SCAF4: variants seen among roughly 807,000 people sequenced by gnomAD.
SCAF4 encodes SR-related CTD associated factor 4, also known as SR-related and CTD-associated factor 4.
SCAF4 carries 25 observed loss-of-function variants against 129.8 expected under a neutral mutation model. The ratio of observed to expected loss-of-function variants is 0.19; its 90% CI spans 0.14 to 0.27. SCAF4 has a LOEUF of 0.27. Ranked by LOEUF, SCAF4 falls within the 10% of genes least tolerant of loss-of-function variation. The pLI is 1.00. For synonymous variants in SCAF4, 551 were observed against 497.7 expected, an observed-to-expected ratio of 1.11 and a Z score of -1.43; for missense variants, 1,246 against 1,457.1, an observed-to-expected ratio of 0.86 and a Z score of 2.36.
rs2050518974 is a variant in SCAF4 at position 31,701,057 on chromosome 21, T to C, written c.715A>G (p.Thr239Ala). The stretch of plus-strand genomic sequence containing the variant: ...GCAGCTTTTTGTTCAGATGGTTGTG[T>C]AGGAGTTGTCTTTAACTGAGCTGTG... ...AITAQLKTTP[T>A]QPSEQKAAFP... Residue 239 changes from threonine to alanine, a missense_variant, in exon 7 of 20, where the codon ACA becomes GCA. Coordinates refer to ENST00000286835, the MANE Select transcript of SCAF4 (RefSeq NM_020706.2). 2.5e-6 allele frequency: 4 copies of C among 1,613,984 alleles called. No homozygotes were observed. The South Asian group carries it at 3.3e-5, about 13-fold the overall frequency.
intron 1 of SCAF4, among the ~76,000 whole-genome samples, chr21:31,717,473 T>C (rs1471441325): frequency 2.0e-5 from 3 of 152,188 alleles, no homozygotes; most frequent in African/African-American, 7.2e-5. Context: ...ATGAAAACAA[T>C]TAAATTCATG....
chr21:31,683,905 C>T (rs1306087499), intron 19 of SCAF4: 1 of 153,178 alleles, frequency 6.5e-6, no homozygotes, highest in African/African-American at 2.4e-5. Context: ...TCCTCTTTTA[C>T]CATTACCCAA....
chr21:31,680,918 T>G (rs1289006516), intron 19 of SCAF4, among the ~76,000 whole-genome samples: 3 of 152,186 alleles, frequency 2.0e-5, no homozygotes, highest in African/African-American at 7.2e-5. Flanking sequence ...ATCATAACGA[T>G]AGCATAAAAA....
chr21:31,719,573 C>T (rs899669825), intron 1 of SCAF4, among the ~76,000 whole-genome samples: 4 of 152,042 alleles, frequency 2.6e-5, no homozygotes, highest in African/African-American at 9.7e-5. Context: ...GGTGTGATCT[C>T]AGCGCACCAC....
chr21:31,711,841 G>T (rs985798331), intron 1 of SCAF4, among the ~76,000 whole-genome samples: 1 of 152,130 alleles, frequency 6.6e-6, no homozygotes, highest in Non-Finnish European at 1.5e-5. Flanking sequence ...AAGTGGCACA[G>T]AGGTATAAAG....
Position 31,676,211 on chromosome 21 carries a change from C to G in SCAF4, c.2489-3857G>C, listed in dbSNP as rs541940388. 1.6e-4 allele frequency among the ~76,000 whole-genome samples: 24 copies of G among 152,258 alleles called. No individual in the cohort carries two copies. In the South Asian group the frequency reaches 2.1e-3, roughly 13 times the overall value. ...GTCAACAACCCTATCTTCCATTCTACCAGAGCCACCATCTCTAGGAGCTCT... is the reference window on the plus strand; with the variant it reads ...GTCAACAACCCTATCTTCCATTCTAGCAGAGCCACCATCTCTAGGAGCTCT... On this transcript the variant is annotated intron_variant, in intron 19 of 19. Transcript: ENST00000286835.
chr21:31,718,212 C>T (rs2050985996), intron 1 of SCAF4, among the ~76,000 whole-genome samples: 1 of 152,164 alleles, frequency 6.6e-6, no homozygotes, highest in South Asian at 2.1e-4. Context: ...TCCCAAAGTG[C>T]TGGGATTACA....
Position 31,694,279 on chromosome 21 carries a change from A to T in SCAF4, c.1247T>A (p.Val416Glu). 1 of 1,599,566 alleles carries T rather than the reference A, an allele frequency of 6.3e-7. No homozygotes were observed. ...AACCTCTTGAATACAAGGTTGTTCT[A>T]CTTCCATTTCCTTAAAAAACAAAAA... ...TQKPHQQEME[V>E]EQPCIQEVKR... The change falls in exon 11 of 20, where the codon GTA (valine) becomes GAA (glutamate). Residue 416 changes from valine to glutamate, a missense_variant. By Grantham distance (121) the Val-to-Glu change is moderately radical (BLOSUM62 -2). Transcript: ENST00000286835.
chr21:31,723,629 T>TGTGTGTGTGTGC (rs1271033175), intron 1 of SCAF4, among the ~76,000 whole-genome samples: 183 of 149,066 alleles, frequency 1.2e-3, no homozygotes, highest in African/African-American at 4.2e-3. Flanking sequence ...TGTGTGTGTG[T>TGTGTGTGTGTGC]GCGCGCGCGC....
intron 4 of SCAF4, 22 bp from the exon 5 acceptor site, chr21:31,702,401 A>AAT (rs1197594783): frequency 6.2e-7 from 1 of 1,604,938 alleles, no homozygotes; most frequent in South Asian, 1.1e-5. Context: ...GAGAAACACA[A>AAT]ATATACAATA....
At chr21:31,688,114 CAAAAAAAAAAAAAA>C (rs61592268) in intron 16 of SCAF4, among the ~76,000 whole-genome samples, 179 bp downstream of exon 16, 290 of 10,914 alleles carry the variant, frequency 0.027, 9 homozygotes, top group African/African-American at 0.079. Context: ...GACTCTGTCT[CAAAAAAAAAAAAAA>C]AAAAAAAAAA....
chr21:31,703,833 CA>C lies in SCAF4; in HGVS notation c.252del (p.Phe84LeufsTer9). 3 of 1,598,764 alleles carry C rather than the reference CA, an allele frequency of 1.9e-6. No homozygotes were observed. Among genetic ancestry groups the C allele is most frequent in the South Asian group, 1.1e-5 (1 of 89,632 alleles). On this transcript the variant is annotated frameshift_variant, in exon 4 of 20. Coordinates refer to ENST00000286835, the MANE Select transcript of SCAF4 (RefSeq NM_020706.2). LOFTEE classifies it high-confidence loss of function. ...GTTATGTTTTTAGAGAATCTTGGCCCAAAAACATCTTTATCAGTTCCAAACT... is the reference window on the plus strand; with the variant it reads ...GTTATGTTTTTAGAGAATCTTGGCCCAAAACATCTTTATCAGTTCCAAACT... Reference protein sequence around the residue: ...RHQFGTDKDVFGPRFSKNITA... With the variant: ...RHQFGTDKDVXGPRFSKNITA...
At chr21:31,672,745 T>TA (rs1359750688) in intron 19 of SCAF4, among the ~76,000 whole-genome samples, 2 of 152,202 alleles carry the variant, frequency 1.3e-5, no homozygotes, top group African/African-American at 4.8e-5. Flanking sequence ...TCAAGCTAAC[T>TA]AAGCATACTG....
At chr21:31,689,162 G>A (rs1471381715) in intron 15 of SCAF4, among the ~76,000 whole-genome samples, 4 of 152,060 alleles carry the variant, frequency 2.6e-5, no homozygotes, top group Non-Finnish European at 5.9e-5. Flanking sequence ...ATACCTGATT[G>A]CCTTAACACA....
chr21:31,693,622 T>C (rs533114794), intron 11 of SCAF4, 138 bp from the exon 12 acceptor site: 3 of 457,504 alleles, frequency 6.6e-6, no homozygotes, highest in African/African-American at 2.0e-5. Flanking sequence ...TGAGAATTCA[T>C]TTTACAGATT....
chr21:31,715,519 T>C (rs765964560), intron 1 of SCAF4, among the ~76,000 whole-genome samples: 1 of 152,228 alleles, frequency 6.6e-6, no homozygotes, highest in African/African-American at 2.4e-5. Flanking sequence ...CAATTTGTAA[T>C]CATCTGAAAT....
intron 19 of SCAF4, among the ~76,000 whole-genome samples, chr21:31,682,246 G>A (rs2050013095): frequency 6.6e-6 from 1 of 152,086 alleles, no homozygotes. Flanking sequence ...GGGCGTGGTG[G>A]CACGCGCCTG....
intron 1 of SCAF4, among the ~76,000 whole-genome samples, chr21:31,725,781 A>C (rs2051187210): frequency 6.6e-6 from 1 of 152,222 alleles, no homozygotes; most frequent in Admixed American, 6.5e-5. Flanking sequence ...CTGAATGAAA[A>C]AGTGGAATGA....
chr21:31,683,148 A>C lies in SCAF4; in HGVS notation c.2488+1901T>G, dbSNP rs150194792. On this transcript the variant is annotated intron_variant, in intron 19 of 19. Coordinates refer to ENST00000286835, the MANE Select transcript of SCAF4 (RefSeq NM_020706.2). Reference sequence around the variant, plus strand: ...TTTTAGAACGAAGATAATCATCAGAAGTAAAATATGAACAGTCCTGCATTG... The same window carrying C: ...TTTTAGAACGAAGATAATCATCAGACGTAAAATATGAACAGTCCTGCATTG... 2.6e-5 allele frequency among the ~76,000 whole-genome samples: 4 copies of C among 152,378 alleles called. No homozygotes were observed. The East Asian group carries it at 5.8e-4, about 22-fold the overall frequency.
Sources: gnomAD v4.1 joint callset for allele counts (sites outside exome capture counted in the v4.1 genomes callset) on GRCh38, gnomAD v4.1.1 for gene constraint, MANE v1.5 for transcripts, NCBI Gene and HGNC (gene_info 2026-07-23, HGNC 2026-07-21) for gene names.